Variants in REV1 observed in about 807,000 individuals in gnomAD.
The protein encoded by REV1 is translesion synthesis protein REV1.
A neutral mutation model predicts 137.4 loss-of-function variants in REV1; 42 were observed. The ratio of observed to expected loss-of-function variants is 0.31; its 90% CI spans 0.24 to 0.40. The LOEUF (loss-of-function observed/expected upper bound fraction) is 0.40, where lower values mean the gene tolerates loss of function less well. Ranked by LOEUF, REV1 falls within the 10% of genes least tolerant of loss-of-function variation. The pLI, the probability that REV1 is intolerant of heterozygous loss-of-function variation, is 1.00. For missense variants in REV1, 1,282 were observed against 1,490.1 expected, an observed-to-expected ratio of 0.86 and a Z score of 2.30; for synonymous variants, 524 against 519.2, an observed-to-expected ratio of 1.01 and a Z score of -0.12.
At chr2:99,425,935 C>G (rs1442920355) in intron 9 of REV1, among the ~76,000 whole-genome samples, 3 of 152,110 alleles carry the variant, frequency 2.0e-5, no homozygotes, top group African/African-American at 4.8e-5. Context: ...ACTTGGGAGG[C>G]TGAGGCAGGA....
At chr2:99,462,188 C>G (rs189051247) in intron 3 of REV1, among the ~76,000 whole-genome samples, 2 of 152,270 alleles carry the variant, frequency 1.3e-5, no homozygotes, top group Non-Finnish European at 2.9e-5. Context: ...TAGAGATTTA[C>G]CAATGAAATG....
At chr2:99,486,054 G>A (rs1399124689) in intron 1 of REV1, among the ~76,000 whole-genome samples, 1 of 152,224 alleles carries the variant, frequency 6.6e-6, no homozygotes, top group Admixed American at 6.5e-5. Context: ...GAGCCCAGGA[G>A]GTTGAGGCTG....
At position 99,410,687 on chromosome 2, in the gene REV1, G is replaced by A. The variant is rs772026845; in HGVS notation, c.2345+8C>T. 42 of 1,579,836 alleles carry A rather than the reference G, an allele frequency of 2.7e-5. No homozygotes were observed. Among genetic ancestry groups the A allele is most frequent in the Non-Finnish European group, 3.3e-5 (39 of 1,169,600 alleles). ...TAATTACCAATATCATTTCTGAGGT[G>A]AGCTTACCTGGCAATGTTATCACAA... On this transcript the variant is annotated splice_region_variant and intron_variant, in intron 14 of 22. Transcript: ENST00000258428.
intron 14 of REV1, among the ~76,000 whole-genome samples, chr2:99,409,188 G>C (rs757606989): frequency 2.6e-5 from 4 of 152,308 alleles, no homozygotes; most frequent in Admixed American, 2.6e-4. Flanking sequence ...TAACAGGTAG[G>C]TAAATATAAT....
rs777771050 is a variant in REV1 at position 99,410,553 on chromosome 2, T to A, written c.2345+142A>T. ...TTAACCTAAGCTGAATGCCTTGGGCTGATGCCTGCTTCTACAGAATACCAG... is the reference window on the plus strand; with the variant it reads ...TTAACCTAAGCTGAATGCCTTGGGCAGATGCCTGCTTCTACAGAATACCAG... On this transcript the variant is annotated intron_variant, in intron 14 of 22. Coordinates refer to ENST00000258428, the MANE Select transcript of REV1 (RefSeq NM_016316.4). 1.4e-4 allele frequency: 101 copies of A among 715,616 alleles called. 2 individuals carry two copies. Among genetic ancestry groups the A allele is most frequent in the South Asian group, 8.8e-4 (41 of 46,654 alleles). 44.3% of individuals were successfully genotyped at this position (715,616 alleles called of 1,614,324 possible). A position where few individuals can be genotyped will look rare whatever the true frequency, so the allele number is the denominator to read the frequency against.
At chr2:99,410,960 G>T in intron 13 of REV1, 93 bp from the exon 14 acceptor site, 1 of 1,203,352 alleles carries the variant, frequency 8.3e-7, no homozygotes, top group Non-Finnish European at 1.1e-6. Flanking sequence ...TATTAAACAT[G>T]TTGGTTACTC....
At chr2:99,417,136 ATTTGTTTTTGT>A (rs933433784) in intron 12 of REV1, among the ~76,000 whole-genome samples, 3 of 151,820 alleles carry the variant, frequency 2.0e-5, no homozygotes, top group Non-Finnish European at 2.9e-5. Flanking sequence ...ATGTGACTGT[ATTTGTTTTTGT>A]TTTGTTTTTT....
intron 1 of REV1, among the ~76,000 whole-genome samples, chr2:99,481,940 T>A (rs1480214630): frequency 6.6e-6 from 1 of 151,924 alleles, no homozygotes; most frequent in African/African-American, 2.4e-5. Flanking sequence ...CTGATAGGAG[T>A]GTCTTTGTTA....
intron 7 of REV1, 200 bp downstream of exon 7, chr2:99,435,634 T>C: frequency 2.6e-6 from 1 of 382,724 alleles, no homozygotes. Flanking sequence ...AGATGAATAT[T>C]CTTCCCTGAA....
In REV1 at chr2:99,473,241, G is replaced by A. The variant is rs572471451; in HGVS notation, c.-10-8256C>T. Among the ~76,000 whole-genome samples, 10 of 152,132 alleles carry A rather than the reference G, an allele frequency of 6.6e-5. No individual in the cohort carries two copies. The East Asian group carries it at 1.9e-3, about 29-fold the overall frequency. ...ATATTAGCTGGGAGTGGTGGCGCAT[G>A]CCTGTAGTCCCAGCTACTCAGGAGG... On this transcript the variant is annotated intron_variant, in intron 1 of 22. Coordinates refer to ENST00000258428, the MANE Select transcript of REV1 (RefSeq NM_016316.4).
intron 1 of REV1, among the ~76,000 whole-genome samples, chr2:99,480,418 G>A (rs916963853): frequency 6.6e-6 from 1 of 152,200 alleles, no homozygotes; most frequent in Non-Finnish European, 1.5e-5. Context: ...TAAGGTAGGT[G>A]GAGAAATATA....
rs779027036 is a variant in REV1, at chr2:99,434,407, C to A, written c.1363G>T (p.Ala455Ser). ...AVTSNRGTGR[A>S]PLRPGANPQL... The stretch of plus-strand genomic sequence containing the variant: ...GGGTTAGCGCCAGGACGTAAAGGTG[C>A]CCTTCCTGTGCCTCTGTTACTTGTA... Residue 455 changes from alanine (A) to serine (S), a missense_variant, in exon 8 of 23, where the codon GCA becomes TCA. Around this residue, in one of 7 missense-constraint regions of REV1, gnomAD observed 432 missense variants for 438.0 expected, o/e 0.99. Coordinates refer to ENST00000258428, the MANE Select transcript of REV1 (RefSeq NM_016316.4). 1.9e-6 allele frequency: 3 copies of A among 1,603,894 alleles called. No individual in the cohort carries two copies. Among genetic ancestry groups the A allele is most frequent in the South Asian group, 2.2e-5 (2 of 89,040 alleles).
intron 16 of REV1, 105 bp from the exon 17 acceptor site, chr2:99,406,211 TGAA>T (rs1397086344): frequency 5.7e-6 from 8 of 1,404,848 alleles, no homozygotes; most frequent in South Asian, 3.1e-5. Context: ...TTCATCATAA[TGAA>T]GAATATAAAT....
At chr2:99,439,676 AT>A (rs1350106136) in intron 5 of REV1, among the ~76,000 whole-genome samples, 1 of 152,170 alleles carries the variant, frequency 6.6e-6, no homozygotes, top group Non-Finnish European at 1.5e-5. Flanking sequence ...CTTTTCAGTT[AT>A]TTTTCCCATA....
chr2:99,416,077 C>T (rs961031458), intron 12 of REV1, among the ~76,000 whole-genome samples: 31 of 152,214 alleles, frequency 2.0e-4, no homozygotes, highest in African/African-American at 6.0e-4. Context: ...GTGCGCAGCA[C>T]GTATGTGGTC....
At position 99,403,282 on chromosome 2, in the gene REV1, T is replaced by C. The variant is rs183209125; in HGVS notation, c.3167-176A>G. On this transcript the variant is annotated intron_variant, in intron 19 of 22. Transcript: ENST00000258428. ...TGGCCCAAAGTACAGGCTCTCCAATTCTCTCTTTGCTTTGCCACTTACTAA... is the reference window on the plus strand; with the variant it reads ...TGGCCCAAAGTACAGGCTCTCCAATCCTCTCTTTGCTTTGCCACTTACTAA... 542 of 612,002 alleles carry C rather than the reference T, an allele frequency of 8.9e-4. 4 individuals are homozygous for C. The African/African-American group carries it at 9.0e-3, about 10-fold the overall frequency. The allele number at this position is 612,002 out of a possible 1,614,324, so 37.9% of individuals were successfully genotyped here.
In REV1 at chr2:99,412,759, T is replaced by C. The variant is rs1677354808; in HGVS notation, c.2144A>G (p.Glu715Gly). ...AGTAAACCTTATTCCATAGTTGATC[T>C]CAGCTGAAACAGATTTTCTTTCCTT... is the stretch of plus-strand genomic sequence containing the variant. The part of the protein sequence containing the change: ...TEKERKSVSA[E>G]INYGIRFTQP... The change falls in exon 13 of 23, where the codon GAG (glutamate) becomes GGG (glycine). Residue 715 changes from glutamate (E) to glycine (G), a missense_variant. Glu to Gly is a moderately conservative substitution (Grantham distance 98). Coordinates refer to ENST00000258428, the MANE Select transcript of REV1 (RefSeq NM_016316.4). 1.2e-6 allele frequency: 2 copies of C among 1,614,012 alleles called. No homozygotes were observed.
At chr2:99,419,207 T>TTC (rs1678312855) in intron 11 of REV1, among the ~76,000 whole-genome samples, 1 of 94,344 alleles carries the variant, frequency 1.1e-5, no homozygotes, top group African/African-American at 5.8e-5. Context: ...CAGTCCTGAT[T>TTC]TTTTTTTTTT....
At chr2:99,479,520 ATATAAC>A (rs777892720) in intron 1 of REV1, among the ~76,000 whole-genome samples, 81 of 152,002 alleles carry the variant, frequency 5.3e-4, no homozygotes, top group Non-Finnish European at 8.8e-4. Context: ...AGAGATTTGC[ATATAAC>A]TATAATATGA....
Sources: gnomAD v4.1 joint callset for allele counts (sites outside exome capture counted in the v4.1 genomes callset) on GRCh38, gnomAD v4.1.1 for gene constraint, gnomAD v4.1.1 regional missense constraint, MANE v1.5 for transcripts, NCBI Gene and HGNC (gene_info 2026-07-23, HGNC 2026-07-21) for gene names.